The following CTNNA3 variants were observed in gnomAD, a reference collection of about 807,000 sequenced individuals.
The protein encoded by CTNNA3 is catenin alpha 3.
A neutral mutation model predicts 95.7 loss-of-function variants in CTNNA3; 76 were observed. The ratio of observed to expected loss-of-function variants is 0.79; its 90% confidence interval spans 0.66 to 0.96. The LOEUF is 0.96. CTNNA3 is among the 40% of genes least tolerant of loss of function. CTNNA3 has a pLI of 0.00. For missense variants in CTNNA3, 1,191 were observed against 1,089.8 expected (o/e 1.09, Z -1.31); for synonymous variants, 431 against 374.4 (o/e 1.15, Z -1.74).
chr10:66,619,767 C>T (rs1274379335), intron 10 of CTNNA3, among the ~76,000 whole-genome samples: 1 of 151,016 alleles, frequency 6.6e-6, no homozygotes, highest in African/African-American at 2.4e-5. Context: ...TCCATATGGC[C>T]ATATGTGAAA....
intron 1 of CTNNA3, among the ~76,000 whole-genome samples, chr10:67,689,846 C>A (rs1291056239): frequency 6.6e-6 from 1 of 152,106 alleles, no homozygotes; most frequent in African/African-American, 2.4e-5. Context: ...TTTTAGCTGA[C>A]CGACAGGTGC....
chr10:66,515,580 A>C (rs1840820465), intron 11 of CTNNA3, among the ~76,000 whole-genome samples: 1 of 152,092 alleles, frequency 6.6e-6, no homozygotes, highest in Non-Finnish European at 1.5e-5. Flanking sequence ...TGCTCTAAAG[A>C]ACTTCCCAAG....
At chr10:67,515,843 A>G (rs1034394485) in intron 5 of CTNNA3, among the ~76,000 whole-genome samples, 7 of 152,200 alleles carry the variant, frequency 4.6e-5, no homozygotes, top group African/African-American at 1.4e-4. Context: ...CTATAGAACT[A>G]TTGCTCTAGA....
intron 13 of CTNNA3, among the ~76,000 whole-genome samples, chr10:66,120,988 T>G (rs1209595306): frequency 6.6e-6 from 1 of 152,170 alleles, no homozygotes; most frequent in African/African-American, 2.4e-5. Flanking sequence ...GCCAATGGTT[T>G]TCATACATTT....
chr10:66,349,012 T>C (rs1052184646), intron 12 of CTNNA3, among the ~76,000 whole-genome samples: 2 of 152,102 alleles, frequency 1.3e-5, no homozygotes, highest in African/African-American at 4.8e-5. Context: ...GTTTGTGACT[T>C]GTTTGTAACA....
chr10:67,219,443 T>C (rs185707562), intron 6 of CTNNA3, among the ~76,000 whole-genome samples, 164 bp downstream of exon 6: 2 of 152,176 alleles, frequency 1.3e-5, no homozygotes, highest in South Asian at 2.1e-4. Flanking sequence ...CAGAGTACTT[T>C]CCTGTTAATC....
intron 14 of CTNNA3, chr10:66,078,849 A>C (rs1034770755): frequency 2.0e-5 from 3 of 151,906 alleles, no homozygotes; most frequent in African/African-American, 7.2e-5. Context: ...GAAATCAAAC[A>C]ATGCTCTCTA....
intron 17 of CTNNA3, among the ~76,000 whole-genome samples, chr10:65,940,417 CAT>C (rs1312793699): frequency 6.6e-6 from 1 of 152,148 alleles, no homozygotes; most frequent in Non-Finnish European, 1.5e-5. Context: ...ACAGGAAAAA[CAT>C]ATCACTTTAT....
At chr10:66,727,865 T>G (rs996885866) in intron 9 of CTNNA3, among the ~76,000 whole-genome samples, 2 of 152,164 alleles carry the variant, frequency 1.3e-5, no homozygotes, top group African/African-American at 4.8e-5. Context: ...GGTGTAAGGT[T>G]TTATACACAA....
chr10:67,650,720 T>C (rs1377148292), intron 1 of CTNNA3, among the ~76,000 whole-genome samples: 1 of 152,176 alleles, frequency 6.6e-6, no homozygotes, highest in African/African-American at 2.4e-5. Context: ...AACTAGCTCA[T>C]TGCTTGCCAT....
intron 9 of CTNNA3, among the ~76,000 whole-genome samples, chr10:66,671,344 T>C (rs1259862541): frequency 1.3e-5 from 2 of 152,284 alleles, no homozygotes; most frequent in South Asian, 2.1e-4. Context: ...ATTTTTTTAA[T>C]ATTTGAATTG....
intron 7 of CTNNA3, among the ~76,000 whole-genome samples, chr10:67,038,529 TATC>T (rs1854205838): frequency 6.6e-6 from 1 of 152,110 alleles, no homozygotes; most frequent in Admixed American, 6.5e-5. Context: ...TATATTCTGA[TATC>T]ATGGAAATTT....
chr10:67,291,535 C>A (rs1447854140), intron 5 of CTNNA3, among the ~76,000 whole-genome samples: 1 of 152,134 alleles, frequency 6.6e-6, no homozygotes, highest in Non-Finnish European at 1.5e-5. Flanking sequence ...TTCTCATTTC[C>A]TGTGACCTGT....
chr10:67,311,503 G>C (rs1840798843), intron 5 of CTNNA3, among the ~76,000 whole-genome samples: 1 of 152,216 alleles, frequency 6.6e-6, no homozygotes, highest in Non-Finnish European at 1.5e-5. Flanking sequence ...TAAAAAGGCA[G>C]ACAGAAATTT....
intron 13 of CTNNA3, among the ~76,000 whole-genome samples, chr10:66,251,414 C>T (rs2090547715): frequency 6.6e-6 from 1 of 151,982 alleles, no homozygotes; most frequent in African/African-American, 2.4e-5. Context: ...GAATTTTAGT[C>T]ATTTTATCAG....
At chr10:66,960,637 C>A (rs1849057266) in intron 7 of CTNNA3, among the ~76,000 whole-genome samples, 1 of 152,130 alleles carries the variant, frequency 6.6e-6, no homozygotes, top group Non-Finnish European at 1.5e-5. Flanking sequence ...CATATTCCAT[C>A]TTTGACATTC....
chr10:66,807,656 A>G (rs1841707845), intron 7 of CTNNA3, among the ~76,000 whole-genome samples: 1 of 152,176 alleles, frequency 6.6e-6, no homozygotes, highest in Non-Finnish European at 1.5e-5. Context: ...ACCAGTGTCT[A>G]TTAGCTCAAA....
intron 7 of CTNNA3, among the ~76,000 whole-genome samples, chr10:66,882,958 T>C (rs1242543407): frequency 6.6e-6 from 1 of 152,048 alleles, no homozygotes; most frequent in Non-Finnish European, 1.5e-5. Context: ...AAACCCCAGA[T>C]GTGTGGGCAC....
chr10:66,494,010 C>G (rs988678732), intron 11 of CTNNA3, among the ~76,000 whole-genome samples: 1 of 146,792 alleles, frequency 6.8e-6, no homozygotes, highest in African/African-American at 2.6e-5. Flanking sequence ...CGGGTTCAAA[C>G]GATTCTCCTG....
Sources: allele counts gnomAD v4.1 joint callset (sites outside exome capture counted in the v4.1 genomes callset), GRCh38; gene constraint gnomAD v4.1.1; transcripts MANE v1.5; gene names NCBI Gene and HGNC (gene_info 2026-07-23, HGNC 2026-07-21).